The following DENND5A variants were observed in gnomAD, a reference collection of about 807,000 sequenced individuals.
The protein encoded by DENND5A is DENN domain containing 5A, also known as DENN domain-containing protein 5A.
DENND5A carries 64 observed loss-of-function variants against 140.3 expected under a neutral mutation model. The observed-to-expected ratio is 0.46, with a 90% CI of 0.37 to 0.56. DENND5A has a LOEUF of 0.56. Among genes scored for constraint, DENND5A ranks in the 20% least tolerant of loss-of-function variants. The pLI, the probability that DENND5A is intolerant of heterozygous loss-of-function variation, is 0.00. For synonymous variants in DENND5A, 605 were observed against 607.7 expected (o/e 1.00, Z 0.07); for missense variants, 1,292 against 1,593.8 (o/e 0.81, Z 3.22).
At chr11:9,162,986 G>A (rs1233736160) in intron 11 of DENND5A, among the ~76,000 whole-genome samples, 3 of 151,840 alleles carry the variant, frequency 2.0e-5, no homozygotes, top group Non-Finnish European at 4.4e-5. Context: ...TCACAGGTGT[G>A]TGCTGATACT....
chr11:9,199,102 T>C (rs1320357500), intron 4 of DENND5A, among the ~76,000 whole-genome samples: 1 of 151,278 alleles, frequency 6.6e-6, no homozygotes, highest in Non-Finnish European at 1.5e-5. Flanking sequence ...AAATTAATTG[T>C]ACATATCATT....
At chr11:9,242,526 A>C (rs1168732404) in intron 1 of DENND5A, 1 of 152,186 alleles carries the variant, frequency 6.6e-6, no homozygotes, top group Non-Finnish European at 1.5e-5. Flanking sequence ...CAAAAGTAGA[A>C]GACTTTAGAG....
At chr11:9,207,145 C>T (rs938019713) in intron 2 of DENND5A, 1 of 439,528 alleles carries the variant, frequency 2.3e-6, no homozygotes, top group East Asian at 6.2e-5. Context: ...TTAAAGTCAA[C>T]TAAAAACATC....
Position 9,138,989 on chromosome 11 carries a change from A to T in DENND5A, c.*682T>A, listed in dbSNP as rs1447909091. 4 of 152,522 alleles carry T rather than the reference A, an allele frequency of 2.6e-5. No individual in the cohort carries two copies. Among genetic ancestry groups the T allele is most frequent in the Admixed American group, 2.6e-4 (4 of 15,290 alleles). 9.4% of individuals were successfully genotyped at this position (152,522 alleles called of 1,614,324 possible). ...ACACACAATGGCGGGTTAAATAAAT[A>T]AAACATTTTAAAAAAGAAAAAAGAA... On this transcript the variant is annotated 3_prime_UTR_variant, in exon 23 of 23. Coordinates refer to ENST00000328194, the MANE Select transcript of DENND5A (RefSeq NM_015213.4).
At chr11:9,236,329 C>A (rs1294436843) in intron 1 of DENND5A, among the ~76,000 whole-genome samples, 1 of 151,690 alleles carries the variant, frequency 6.6e-6, no homozygotes, top group Non-Finnish European at 1.5e-5. Context: ...GTCAGGAGTT[C>A]GAGATCAGCC....
chr11:9,243,087 C>CAAAAAAAAAAAAAAAA (rs539119487), intron 1 of DENND5A, among the ~76,000 whole-genome samples: 2 of 66,880 alleles, frequency 3.0e-5, no homozygotes, highest in African/African-American at 6.2e-5. Context: ...GACTCTGTCT[C>CAAAAAAAAAAAAAAAA]AAAAAAAAAA....
intron 19 of DENND5A, 116 bp downstream of exon 19, chr11:9,143,981 T>C: frequency 8.0e-7 from 1 of 1,242,640 alleles, no homozygotes; most frequent in Non-Finnish European, 1.1e-6. Flanking sequence ...TTAGCAGAAG[T>C]GTTTCCTGAG....
chr11:9,166,099 G>A, intron 10 of DENND5A, 132 bp from the exon 11 acceptor site: 1 of 650,606 alleles, frequency 1.5e-6, no homozygotes, highest in Non-Finnish European at 2.4e-6. Flanking sequence ...TTTTTTTTTT[G>A]AGACGAATCT....
intron 1 of DENND5A, among the ~76,000 whole-genome samples, chr11:9,244,378 T>A (rs538144169): frequency 6.6e-6 from 1 of 152,098 alleles, no homozygotes; most frequent in Non-Finnish European, 1.5e-5. Flanking sequence ...TATTTTTATT[T>A]ATTTTTTTGA....
At position 9,145,919 on chromosome 11, in the gene DENND5A, T is replaced by C. The variant is rs1040791184; in HGVS notation, c.2858-104A>G. ...GGAAGGCTGGCACAACTGTGGCTCC[T>C]GCTATCTCAGCTCAAGCAGAGCCCT... On this transcript the variant is annotated intron_variant, in intron 16 of 22. Coordinates refer to ENST00000328194, the MANE Select transcript of DENND5A (RefSeq NM_015213.4). The C allele has an allele frequency of 4.6e-5, 58 of 1,254,080 alleles. No homozygotes were observed. In the Admixed American group the frequency reaches 1.1e-3, roughly 23 times the overall value. The allele number at this position is 1,254,080 out of a possible 1,614,324, so 77.7% of individuals were successfully genotyped here.
rs1849611122 is a variant in DENND5A at position 9,204,035 on chromosome 11, T to C, written c.574A>G (p.Asn192Asp). 1 of 1,613,996 alleles carries C rather than the reference T, an allele frequency of 6.2e-7. No homozygotes were observed. Among genetic ancestry groups the C allele is most frequent in the African/African-American group, 1.3e-5 (1 of 74,884 alleles). The change falls in exon 4 of 23, where the codon AAC becomes GAC. Residue 192 changes from asparagine to aspartate, a missense_variant. This residue lies in a region of DENND5A where 566 missense variants were observed against 650.4 expected (regional missense o/e 0.87). Coordinates refer to ENST00000328194, the MANE Select transcript of DENND5A (RefSeq NM_015213.4). The part of the protein sequence containing the change: ...DTPVTKLQRF[N>D]SYDISRDTLY... The stretch of plus-strand genomic sequence containing the variant: ...GTGTCCCGGCTAATGTCATAGGAGT[T>C]GAAGCGCTGCAGTTTGGTCACAGGA...
At chr11:9,161,238 C>G (rs1273965527) in intron 11 of DENND5A, among the ~76,000 whole-genome samples, 1 of 152,116 alleles carries the variant, frequency 6.6e-6, no homozygotes, top group Non-Finnish European at 1.5e-5. Context: ...GTCCCAGCTA[C>G]TCAGGAGGCT....
intron 1 of DENND5A, among the ~76,000 whole-genome samples, chr11:9,244,884 C>T (rs1201718925): frequency 2.6e-5 from 4 of 151,362 alleles, no homozygotes; most frequent in East Asian, 2.0e-4. Context: ...GCCGTGTTGC[C>T]GGGGCTGGTC....
intron 5 of DENND5A, among the ~76,000 whole-genome samples, chr11:9,182,743 T>C (rs1315344453): frequency 2.0e-5 from 3 of 152,190 alleles, no homozygotes; most frequent in African/African-American, 7.2e-5. Flanking sequence ...GAAGAGTGGT[T>C]ACCAGAGACT....
intron 1 of DENND5A, among the ~76,000 whole-genome samples, chr11:9,257,724 C>T (rs1439584445): frequency 3.3e-5 from 5 of 151,242 alleles, no homozygotes; most frequent in East Asian, 3.9e-4. Context: ...CCTTGTGATC[C>T]GCCCACCCCG....
intron 16 of DENND5A, 137 bp from the exon 17 acceptor site, chr11:9,145,952 G>C (rs1847418248): frequency 2.2e-6 from 2 of 921,602 alleles, no homozygotes; most frequent in Non-Finnish European, 3.4e-6. Context: ...CCTGGAACAA[G>C]AGGGCCCCAG....
In DENND5A at chr11:9,239,369, T is replaced by C. The variant is rs199560026; in HGVS notation, c.109+25592A>G. Among the ~76,000 whole-genome samples the C allele has an allele frequency of 1.4e-4, 20 of 147,542 alleles. No homozygotes were observed. The East Asian group carries it at 2.8e-3, about 21-fold the overall frequency. ...TTTTTTTTTTTGAGACAGGGTCTTG[T>C]TCAGTTGCCCAGGCTGGAGTACAGT... is the stretch of plus-strand genomic sequence containing the variant. On this transcript the variant is annotated intron_variant, in intron 1 of 22. Coordinates refer to ENST00000328194, the MANE Select transcript of DENND5A (RefSeq NM_015213.4).
chr11:9,224,800 G>A (rs1049530134), intron 1 of DENND5A, among the ~76,000 whole-genome samples: 1 of 150,596 alleles, frequency 6.6e-6, no homozygotes, highest in African/African-American at 2.4e-5. Flanking sequence ...AGAGGTTGCA[G>A]TGAGCCAAGA....
rs903335256 is a variant in DENND5A, at chr11:9,203,847, T to A, written c.762A>T (p.Pro254=). 1.9e-6 allele frequency: 3 copies of A among 1,613,774 alleles called. No individual in the cohort carries two copies. Among genetic ancestry groups the A allele is most frequent in the African/African-American group, 2.7e-5 (2 of 74,824 alleles). The change falls in exon 4 of 23, where the codon CCA becomes CCT. Residue 254 remains proline, a synonymous_variant. Transcript: ENST00000328194. ...IYNVLYEVPL[P]PPGRSLKFSG... ...AAAACTTCAAGGACCGGCCAGGAGG[T>A]GGGAGCGGCACCTCGTAGAGTACGT...
Sources: allele counts gnomAD v4.1 joint callset (sites outside exome capture counted in the v4.1 genomes callset), GRCh38; gene constraint gnomAD v4.1.1; regional missense constraint gnomAD v4.1.1; transcripts MANE v1.5; gene names NCBI Gene and HGNC (gene_info 2026-07-23, HGNC 2026-07-21).